Variants in SORD observed in about 807,000 individuals in gnomAD.
SORD encodes sorbitol dehydrogenase.
In SORD, 18 loss-of-function variants were observed where a neutral mutation model predicts 35.6. The observed-to-expected ratio is 0.51, with a 90% CI of 0.35 to 0.75. SORD has a LOEUF of 0.75. Among genes scored for constraint, SORD ranks in the 30% least tolerant of loss-of-function variants. The pLI is 0.01. For missense variants in SORD, 250 were observed against 390.2 expected, an observed-to-expected ratio of 0.64 and a Z score of 3.03; for synonymous variants, 106 against 152.9, an observed-to-expected ratio of 0.69 and a Z score of 2.26.
chr15:45,052,548 A>G (rs560411564), intron 3 of SORD, among the ~76,000 whole-genome samples: 135 of 152,284 alleles, frequency 8.9e-4, no homozygotes, highest in African/African-American at 3.1e-3. Flanking sequence ...TGTTAGGTAA[A>G]AACTCTGACT....
chr15:45,050,449 C>G (rs1259752931), intron 3 of SORD: 2 of 152,208 alleles, frequency 1.3e-5, no homozygotes, highest in Admixed American at 1.3e-4. Context: ...GCAAATTCCT[C>G]TCTTCTTGAG....
intron 1 of SORD, among the ~76,000 whole-genome samples, chr15:45,029,513 GT>G (rs1892736169): frequency 6.6e-6 from 1 of 152,386 alleles, no homozygotes; most frequent in Admixed American, 6.5e-5. Flanking sequence ...CCAGGTAAGG[GT>G]GTCCATGACC....
At position 45,061,026 on chromosome 15, in the gene SORD, C is replaced by T. The variant is rs189682704; in HGVS notation, c.266-41C>T. On this transcript the variant is annotated intron_variant, in intron 3 of 8. Coordinates refer to ENST00000267814, the MANE Select transcript of SORD (RefSeq NM_003104.6). Reference sequence around the variant, plus strand: ...GACCAAAGAGCGGGCAGACTCTGCTCCCACCCTCGGACATGGTGCCATCTT... The same window carrying T: ...GACCAAAGAGCGGGCAGACTCTGCTTCCACCCTCGGACATGGTGCCATCTT... The T allele has an allele frequency of 3.6e-3, 5,843 of 1,613,072 alleles. 22 individuals are homozygous for T. Among genetic ancestry groups the T allele is most frequent in the South Asian group, 4.5e-3 (406 of 90,934 alleles).
chr15:45,050,456 T>A (rs1566961201), intron 3 of SORD: 2 of 152,220 alleles, frequency 1.3e-5, no homozygotes, highest in East Asian at 1.9e-4. Context: ...CCTCTCTTCT[T>A]GAGGTCAAAA....
intron 3 of SORD, among the ~76,000 whole-genome samples, chr15:45,045,849 G>A (rs34712316): frequency 2.3e-4 from 35 of 152,120 alleles, no homozygotes; most frequent in African/African-American, 4.3e-4. Context: ...ACAAAAAATA[G>A]AATTAGCTGG....
intron 1 of SORD, among the ~76,000 whole-genome samples, chr15:45,024,037 G>A (rs746813478): frequency 9.2e-5 from 14 of 152,036 alleles, no homozygotes; most frequent in Non-Finnish European, 1.5e-4. Context: ...TTCCAATCCC[G>A]TGCCTCTGTC....
Position 45,069,020 on chromosome 15 carries a change from G to C in SORD, c.754G>C (p.Gly252Arg). ...GCCGGAAGTCACCATCGAGTGCACG[G>C]GGGCAGAGGCCTCCATCCAGGCGGG... ...CKPEVTIECTGAEASIQAGIY... is the reference protein window; with the variant it reads ...CKPEVTIECTRAEASIQAGIY... The change falls in exon 7 of 9, where the codon GGG (glycine) becomes CGG (arginine). Residue 252 changes from glycine to arginine, a missense_variant. Physicochemically the swap from Gly to Arg is moderately radical, Grantham distance 125. Transcript: ENST00000267814. 6.2e-7 allele frequency: 1 copy of C among 1,610,326 alleles called. No individual in the cohort carries two copies. Among genetic ancestry groups the C allele is most frequent in the Non-Finnish European group, 8.5e-7 (1 of 1,178,674 alleles).
At chr15:45,054,208 A>G (rs1201515480) in intron 3 of SORD, among the ~76,000 whole-genome samples, 1 of 152,256 alleles carries the variant, frequency 6.6e-6, no homozygotes, top group Non-Finnish European at 1.5e-5. Flanking sequence ...TAGATCCCTG[A>G]GGAATTGCCA....
chr15:45,051,173 C>T (rs963533332), intron 3 of SORD, among the ~76,000 whole-genome samples: 3 of 152,130 alleles, frequency 2.0e-5, no homozygotes, highest in Admixed American at 6.6e-5. Context: ...CAGTTAAAAA[C>T]ACAATTGACA....
intron 1 of SORD, among the ~76,000 whole-genome samples, chr15:45,037,817 G>A (rs760209957): frequency 3.3e-5 from 5 of 152,058 alleles, no homozygotes; most frequent in Non-Finnish European, 5.9e-5. Flanking sequence ...GGGGGACAAG[G>A]GGAGGGAGGG....
At chr15:45,069,308 G>A (rs1415834761) in intron 7 of SORD, among the ~76,000 whole-genome samples, 2 of 138,500 alleles carry the variant, frequency 1.4e-5, no homozygotes, top group Admixed American at 1.6e-4. Context: ...CTGGGTTCAC[G>A]CCATTTTCCT....
At chr15:45,038,152 C>CTTCCTTCT (rs1892902696) in intron 1 of SORD, among the ~76,000 whole-genome samples, 1 of 136,836 alleles carries the variant, frequency 7.3e-6, no homozygotes, top group Admixed American at 7.4e-5. Context: ...TCCTTCCTTC[C>CTTCCTTCT]TTCCTTCCTT....
At chr15:45,034,870 G>C (rs1236830673) in intron 1 of SORD, among the ~76,000 whole-genome samples, 1 of 152,340 alleles carries the variant, frequency 6.6e-6, no homozygotes, top group East Asian at 1.9e-4. Flanking sequence ...TTCGCGCCGC[G>C]CTTGCGGGCC....
chr15:45,028,726 T>C (rs1179197267), intron 1 of SORD, among the ~76,000 whole-genome samples: 6 of 152,282 alleles, frequency 3.9e-5, no homozygotes, highest in African/African-American at 4.8e-5. Context: ...TTTTTGTCCA[T>C]TGAGGCAACG....
intron 3 of SORD, 119 bp downstream of exon 3, chr15:45,043,540 T>G: frequency 1.8e-6 from 1 of 565,366 alleles, no homozygotes; most frequent in South Asian, 2.1e-5. Context: ...TCTTGTTCCA[T>G]ACTCACATGG....
intron 3 of SORD, chr15:45,060,855 C>T (rs1595505925): frequency 9.5e-7 from 1 of 1,050,560 alleles, no homozygotes; most frequent in Admixed American, 2.7e-5. Context: ...CCCAAGTTTC[C>T]TCACTTGCCT....
At position 45,061,108 on chromosome 15, in the gene SORD, G is replaced by A; in HGVS notation, c.307G>A (p.Asp103Asn). ...CGAGCCTGGTGCTCCCCGAGAAAAT[G>A]ATGAATTCTGCAAGATGGGCCGATA... ...AIEPGAPREN[D>N]EFCKMGRYNL... Residue 103 changes from aspartate to asparagine, a missense_variant, in exon 4 of 9, where the codon GAT (aspartate) becomes AAT (asparagine). Physicochemically the swap from Asp to Asn is conservative, Grantham distance 23. This residue lies in a region of SORD where 126 missense variants were observed against 148.7 expected (regional missense o/e 0.85). Transcript: ENST00000267814. 1 of 1,613,206 alleles carries A rather than the reference G, an allele frequency of 6.2e-7. No homozygotes were observed. Among genetic ancestry groups the A allele is most frequent in the Non-Finnish European group, 8.5e-7 (1 of 1,180,020 alleles).
chr15:45,053,485 G>T (rs574894277), intron 3 of SORD, among the ~76,000 whole-genome samples: 4 of 152,130 alleles, frequency 2.6e-5, no homozygotes, highest in African/African-American at 9.7e-5. Context: ...AGAAGGAGGG[G>T]AAAATTAACC....
intron 5 of SORD, among the ~76,000 whole-genome samples, chr15:45,067,050 C>T (rs1349108279): frequency 1.3e-5 from 2 of 152,114 alleles, no homozygotes; most frequent in East Asian, 1.9e-4. Context: ...GCTAAATACG[C>T]TTCCTTTACC....
Sources: allele counts gnomAD v4.1 joint callset (sites outside exome capture counted in the v4.1 genomes callset), GRCh38; gene constraint gnomAD v4.1.1; regional missense constraint gnomAD v4.1.1; transcripts MANE v1.5; gene names NCBI Gene and HGNC (gene_info 2026-07-23, HGNC 2026-07-21).